The following NWD2 variants were observed in gnomAD, a reference collection of about 807,000 sequenced individuals.
NWD2 encodes NACHT and WD repeat domain-containing protein 2.
NWD2 carries 37 observed loss-of-function variants against 132.7 expected under a neutral mutation model. The observed-to-expected ratio is 0.28, with a 90% CI of 0.21 to 0.37. The LOEUF is 0.37. Among genes scored for constraint, NWD2 ranks in the 10% least tolerant of loss-of-function variants. The probability of loss-of-function intolerance (pLI) is 1.00; values close to 1 mark genes in which losing one functional copy is unlikely to be tolerated. For missense variants in NWD2, 1,592 were observed against 2,122.4 expected, an observed-to-expected ratio of 0.75 and a Z score of 4.91; for synonymous variants, 705 against 803.0, an observed-to-expected ratio of 0.88 and a Z score of 2.06.
chr4:37,321,956 T>G (rs949180144), intron 1 of NWD2, among the ~76,000 whole-genome samples: 4 of 152,188 alleles, frequency 2.6e-5, no homozygotes, highest in Non-Finnish European at 5.9e-5. Context: ...TTCAGTTCAT[T>G]CATTTACCTC....
At chr4:37,434,057 A>G (rs114097786) in intron 5 of NWD2, 37 bp downstream of exon 5, 56,468 of 1,404,070 alleles carry the variant, frequency 0.04, 1,289 homozygotes, top group South Asian at 0.045. Flanking sequence ...TAAGAAATAT[A>G]TCATTAATAG....
chr4:37,378,065 C>T (rs1346579178), intron 3 of NWD2, among the ~76,000 whole-genome samples: 2 of 152,006 alleles, frequency 1.3e-5, no homozygotes, highest in African/African-American at 2.4e-5. Flanking sequence ...TAGGTTAGAA[C>T]TTCTTATAAT....
At chr4:37,397,559 G>A (rs114213797) in intron 3 of NWD2, among the ~76,000 whole-genome samples, 8 of 152,154 alleles carry the variant, frequency 5.3e-5, no homozygotes, top group Middle Eastern at 3.4e-3. Context: ...TTCTCCAGCC[G>A]CCAGCCTGCC....
intron 3 of NWD2, among the ~76,000 whole-genome samples, chr4:37,366,691 T>C (rs2376784): frequency 0.94 from 143,333 of 152,160 alleles, 68,125 homozygotes; most frequent in East Asian, 1. Flanking sequence ...CATGGAAAGA[T>C]TAACCAAAAG....
chr4:37,337,579 C>T (rs899952313), intron 2 of NWD2, among the ~76,000 whole-genome samples: 5 of 152,190 alleles, frequency 3.3e-5, no homozygotes, highest in Admixed American at 6.5e-5. Flanking sequence ...TCCTGCAGCC[C>T]CTTTGGTCTG....
intron 3 of NWD2, among the ~76,000 whole-genome samples, chr4:37,372,085 C>A (rs1720239800): frequency 6.6e-6 from 1 of 151,994 alleles, no homozygotes; most frequent in Admixed American, 6.6e-5. Context: ...TAGATAAAAT[C>A]AATTTTTTGA....
intron 1 of NWD2, among the ~76,000 whole-genome samples, chr4:37,274,531 A>C (rs1431374753): frequency 6.6e-6 from 1 of 152,220 alleles, no homozygotes; most frequent in Non-Finnish European, 1.5e-5. Context: ...ATTCCTTCTG[A>C]AACTATTCCA....
chr4:37,421,609 G>T (rs1253766794), intron 3 of NWD2, among the ~76,000 whole-genome samples: 1 of 152,208 alleles, frequency 6.6e-6, no homozygotes, highest in Non-Finnish European at 1.5e-5. Flanking sequence ...AGAAAGCTGA[G>T]AATTGTTAGC....
intron 3 of NWD2, among the ~76,000 whole-genome samples, chr4:37,413,000 C>A (rs1721193509): frequency 6.6e-6 from 1 of 152,110 alleles, no homozygotes; most frequent in Admixed American, 6.6e-5. Flanking sequence ...AAACGTAAGA[C>A]CTAGGACCAT....
intron 1 of NWD2, among the ~76,000 whole-genome samples, chr4:37,273,126 T>G (rs1717908954): frequency 6.6e-6 from 1 of 151,868 alleles, no homozygotes; most frequent in Admixed American, 6.6e-5. Context: ...CTGTAGAATT[T>G]TGCTGTTATT....
At chr4:37,425,929 C>G (rs904111667) in intron 3 of NWD2, among the ~76,000 whole-genome samples, 5 of 152,146 alleles carry the variant, frequency 3.3e-5, no homozygotes, top group African/African-American at 1.2e-4. Flanking sequence ...GGAAACAAAA[C>G]AGTGGAATCC....
intron 2 of NWD2, among the ~76,000 whole-genome samples, chr4:37,344,637 G>C (rs977679337): frequency 6.6e-6 from 1 of 152,140 alleles, no homozygotes; most frequent in Non-Finnish European, 1.5e-5. Context: ...CTGATCATTT[G>C]GTTCACATGT....
In NWD2 at chr4:37,360,514, G is replaced by T. The variant is rs551606424; in HGVS notation, c.357+4032G>T. ...AGATATGAATTTGCTGACATTTACTGACTAAAAGCTTTACCTATCCCCAAG... is the reference window on the plus strand; with the variant it reads ...AGATATGAATTTGCTGACATTTACTTACTAAAAGCTTTACCTATCCCCAAG... On this transcript the variant is annotated intron_variant, in intron 3 of 6. Coordinates refer to ENST00000309447, the MANE Select transcript of NWD2 (RefSeq NM_001144990.2). 2.6e-5 allele frequency among the ~76,000 whole-genome samples: 4 copies of T among 152,218 alleles called. No individual in the cohort carries two copies. In the South Asian group the frequency reaches 8.3e-4, roughly 32 times the overall value.
At chr4:37,336,350 C>T (rs3860072) in intron 2 of NWD2, among the ~76,000 whole-genome samples, 145,972 of 152,330 alleles carry the variant, frequency 0.96, 70,254 homozygotes, top group East Asian at 1. Flanking sequence ...TCCTGAGTTT[C>T]TAAAATTCAG....
At chr4:37,259,273 G>T (rs538862431) in intron 1 of NWD2, among the ~76,000 whole-genome samples, 2 of 152,154 alleles carry the variant, frequency 1.3e-5, no homozygotes, top group African/African-American at 4.8e-5. Context: ...CAATTCTGCT[G>T]AAGTAAACAT....
At chr4:37,329,498 A>G (rs554026392) in intron 2 of NWD2, among the ~76,000 whole-genome samples, 1 of 152,254 alleles carries the variant, frequency 6.6e-6, no homozygotes, top group African/African-American at 2.4e-5. Context: ...AGTTGTGGGG[A>G]GGAATCCAGG....
At chr4:37,410,177 C>T (rs1036856632) in intron 3 of NWD2, among the ~76,000 whole-genome samples, 1 of 152,118 alleles carries the variant, frequency 6.6e-6, no homozygotes, top group Admixed American at 6.6e-5. Context: ...GGTAAACGAG[C>T]TAAATGCCCC....
intron 3 of NWD2, among the ~76,000 whole-genome samples, chr4:37,423,492 C>G (rs1381357875): frequency 2.0e-5 from 3 of 152,092 alleles, no homozygotes; most frequent in Non-Finnish European, 2.9e-5. Context: ...AAATTCGAGT[C>G]CAAGTGCAAA....
intron 1 of NWD2, among the ~76,000 whole-genome samples, chr4:37,272,685 AAATATT>A (rs1717897029): frequency 6.6e-6 from 1 of 151,772 alleles, no homozygotes; most frequent in South Asian, 2.1e-4. Flanking sequence ...CAAATGATAT[AAATATT>A]ATTTATTAAT....
Sources: gnomAD v4.1 joint callset for allele counts (sites outside exome capture counted in the v4.1 genomes callset) on GRCh38, gnomAD v4.1.1 for gene constraint, MANE v1.5 for transcripts, NCBI Gene and HGNC (gene_info 2026-07-23, HGNC 2026-07-21) for gene names.